The following SEC23B variants were observed in gnomAD, a reference collection of about 807,000 sequenced individuals.
SEC23B encodes the protein SEC23 homolog B, COPII component, also known as protein transport protein Sec23B.
SEC23B carries 77 observed loss-of-function variants against 104.3 expected under a neutral mutation model. The ratio of observed to expected loss-of-function variants is 0.74; its 90% CI spans 0.61 to 0.89. The LOEUF is 0.89. Ranked by LOEUF, SEC23B falls within the 40% of genes least tolerant of loss-of-function variation. SEC23B has a pLI of 0.00. For synonymous variants in SEC23B, 338 were observed against 332.5 expected (o/e 1.02, Z -0.18); for missense variants, 885 against 949.4 (o/e 0.93, Z 0.89).
Position 18,512,253 on chromosome 20 carries a change from G to A in SEC23B, c.250G>A (p.Ala84Thr). 1 of 1,593,004 alleles carries A rather than the reference G, an allele frequency of 6.3e-7. No homozygotes were observed. The highest frequency in any genetic ancestry group is 8.6e-7 in the Non-Finnish European group (1 of 1,163,768). The stretch of plus-strand genomic sequence containing the variant: ...GGTTGATTATCGAGCAAAACTTTGG[G>A]CCTGTAATTTCTGTTTTCAAAGAAA... Reference protein sequence around the residue: ...CQVDYRAKLWACNFCFQRNQF... With the variant: ...CQVDYRAKLWTCNFCFQRNQF... Residue 84 changes from alanine (A) to threonine (T), a missense_variant, in exon 3 of 20, where the codon GCC becomes ACC. Physicochemically the swap from Ala to Thr is moderately conservative, Grantham distance 58. Coordinates refer to ENST00000650089, the MANE Select transcript of SEC23B (RefSeq NM_006363.6).
At chr20:18,537,505 A>G (rs1423625995) in intron 12 of SEC23B, among the ~76,000 whole-genome samples, 1 of 151,940 alleles carries the variant, frequency 6.6e-6, no homozygotes, top group East Asian at 1.9e-4. Context: ...AAAACACCGC[A>G]TGTTCTCACT....
intron 19 of SEC23B, among the ~76,000 whole-genome samples, chr20:18,557,717 T>C (rs1417614397): frequency 1.3e-5 from 2 of 151,530 alleles, no homozygotes; most frequent in Non-Finnish European, 2.9e-5. Context: ...AGAGATCTTT[T>C]AGCCATTCTT....
chr20:18,519,959 C>T (rs371341677), intron 4 of SEC23B, among the ~76,000 whole-genome samples: 4 of 152,072 alleles, frequency 2.6e-5, no homozygotes, highest in East Asian at 1.9e-4. Context: ...GGGGGCTGTC[C>T]GCGAAGCCTT....
rs7263397 is a variant in SEC23B, at chr20:18,527,467, T to G, written c.994-29T>G. 4.0e-6 allele frequency: 5 copies of G among 1,264,898 alleles called. No homozygotes were observed. The East Asian group carries it at 1.2e-4, about 29-fold the overall frequency. The allele number at this position is 1,264,898 out of a possible 1,614,324, so 78.4% of individuals were successfully genotyped here. On this transcript the variant is annotated intron_variant, in intron 8 of 19. Transcript: ENST00000650089. ...ATACCTTGGGAATAATGTCACTGTT[T>G]CCTAAAGATAGCTTTCCTCTCTTCA...
At chr20:18,515,203 G>T (rs944467498) in intron 3 of SEC23B, among the ~76,000 whole-genome samples, 2 of 152,186 alleles carry the variant, frequency 1.3e-5, no homozygotes, top group Admixed American at 1.3e-4. Flanking sequence ...TAAGAGGACA[G>T]AAATGATATA....
intron 15 of SEC23B, among the ~76,000 whole-genome samples, chr20:18,546,446 C>T (rs1600269892): frequency 1.3e-5 from 2 of 152,160 alleles, no homozygotes; most frequent in Non-Finnish European, 2.9e-5. Flanking sequence ...TTATTATGTG[C>T]ATCATAACCA....
At chr20:18,532,607 G>T in intron 10 of SEC23B, 57 bp from the exon 11 acceptor site, 1 of 1,218,288 alleles carries the variant, frequency 8.2e-7, no homozygotes, top group South Asian at 1.2e-5. Flanking sequence ...TGGCCATGAT[G>T]ACAGCAGGGT....
intron 9 of SEC23B, among the ~76,000 whole-genome samples, chr20:18,527,880 C>G (rs1034149881): frequency 1.3e-5 from 2 of 152,150 alleles, no homozygotes; most frequent in Non-Finnish European, 2.9e-5. Flanking sequence ...AGAGACCAGG[C>G]CAAGAAAGCA....
At chr20:18,560,540 T>C in intron 19 of SEC23B, 111 bp from the exon 20 acceptor site, 5 of 817,856 alleles carry the variant, frequency 6.1e-6, no homozygotes, top group Non-Finnish European at 8.5e-6. Flanking sequence ...GGAGTACTCG[T>C]AGCAGAGGGG....
At chr20:18,545,270 T>C (rs1000925254) in intron 14 of SEC23B, among the ~76,000 whole-genome samples, 5 of 152,118 alleles carry the variant, frequency 3.3e-5, no homozygotes, top group African/African-American at 1.2e-4. Flanking sequence ...GACAAAACCA[T>C]TGAAGAAGGC....
chr20:18,510,878 G>C lies in SEC23B; in HGVS notation c.43G>C (p.Asp15His), dbSNP rs1287816373. ...LEFIQQNEER[D>H]GVRFSWNVWP... is the part of the protein sequence containing the mutation. ...GTTCATCCAGCAGAATGAAGAACGG[G>C]ATGGTGTGCGTTTTAGTTGGAACGT... Residue 15 changes from aspartate to histidine, a missense_variant, in exon 2 of 20, where the codon GAT (aspartate) becomes CAT (histidine). Physicochemically the swap from Asp to His is moderately conservative, Grantham distance 81. Coordinates refer to ENST00000650089, the MANE Select transcript of SEC23B (RefSeq NM_006363.6). The C allele has an allele frequency of 6.2e-7, 1 of 1,614,088 alleles. No homozygotes were observed. Among genetic ancestry groups the C allele is most frequent in the African/African-American group, 1.3e-5 (1 of 74,924 alleles).
rs1443733304 is a variant in SEC23B, at chr20:18,555,112, G to C, written c.2153G>C (p.Arg718Pro). 6.2e-7 allele frequency: 1 copy of C among 1,612,996 alleles called. No individual in the cohort carries two copies. Among genetic ancestry groups the C allele is most frequent in the African/African-American group, 1.3e-5 (1 of 74,786 alleles). ...TTGTTGTTGTTGTTGTTAAAGGCTC[G>C]ATTCCTTTTGTCCAAAGTGAACCCA... ...INTEHGGSQA[R>P]FLLSKVNPSQ... The change falls in exon 19 of 20, where the codon CGA becomes CCA. Residue 718 changes from arginine to proline, a missense_variant. Transcript: ENST00000650089.
chr20:18,531,542 G>A (rs1458923581), intron 10 of SEC23B, among the ~76,000 whole-genome samples: 1 of 151,156 alleles, frequency 6.6e-6, no homozygotes, highest in African/African-American at 2.4e-5. Flanking sequence ...TGTAGCCCCA[G>A]CTACTTGGGA....
chr20:18,555,137 A>G lies in SEC23B; in HGVS notation c.2178A>G (p.Pro726=). The change falls in exon 19 of 20, where the codon CCA becomes CCG. Residue 726 remains proline (P), a synonymous_variant. Transcript: ENST00000650089. Reference sequence around the variant, plus strand: ...GATTCCTTTTGTCCAAAGTGAACCCATCTCAGACACACAATAACCTGTATG... The same window carrying G: ...GATTCCTTTTGTCCAAAGTGAACCCGTCTCAGACACACAATAACCTGTATG... The part of the protein sequence containing the change: ...QARFLLSKVN[P]SQTHNNLYAW... 1 of 1,613,998 alleles carries G rather than the reference A, an allele frequency of 6.2e-7. No individual in the cohort carries two copies. Among genetic ancestry groups the G allele is most frequent in the Non-Finnish European group, 8.5e-7 (1 of 1,179,916 alleles).
chr20:18,546,498 C>G (rs1176352407), intron 15 of SEC23B, among the ~76,000 whole-genome samples: 3 of 152,182 alleles, frequency 2.0e-5, no homozygotes, highest in African/African-American at 7.2e-5. Flanking sequence ...CTGCACTCTG[C>G]ATGAACCAAG....
At chr20:18,509,399 C>A (rs184688584) in intron 1 of SEC23B, among the ~76,000 whole-genome samples, 7 of 152,292 alleles carry the variant, frequency 4.6e-5, no homozygotes, top group South Asian at 2.1e-4. Context: ...GCGCGAGAGG[C>A]CACTTTAATT....
chr20:18,522,784 G>A (rs1263180005), intron 4 of SEC23B, among the ~76,000 whole-genome samples: 1 of 152,156 alleles, frequency 6.6e-6, no homozygotes, highest in African/African-American at 2.4e-5. Context: ...TCGGCCGGGC[G>A]TGGTGGCTCA....
In SEC23B at chr20:18,530,794, G is replaced by A; in HGVS notation, c.1224G>A (p.Leu408=). The change falls in exon 10 of 20, where the codon TTG becomes TTA. Residue 408 remains leucine (L), a synonymous_variant. Transcript: ENST00000650089. The part of the protein sequence containing the change: ...GDFRMAFGAT[L]DVKTSRELKI... ...TCCGAATGGCATTTGGTGCTACTTT[G>A]GACGTAAAGGTACGGTAAACTTTTT... 1 of 1,610,714 alleles carries A rather than the reference G, an allele frequency of 6.2e-7. No homozygotes were observed. The highest frequency in any genetic ancestry group is 8.5e-7 in the Non-Finnish European group (1 of 1,178,290).
intron 14 of SEC23B, among the ~76,000 whole-genome samples, chr20:18,544,178 C>T (rs957037555): frequency 6.6e-6 from 1 of 152,220 alleles, no homozygotes; most frequent in Non-Finnish European, 1.5e-5. Context: ...ACATGATAAT[C>T]TTACCTTCCT....
Sources: gnomAD v4.1 joint callset for allele counts (sites outside exome capture counted in the v4.1 genomes callset) on GRCh38, gnomAD v4.1.1 for gene constraint, MANE v1.5 for transcripts, NCBI Gene and HGNC (gene_info 2026-07-23, HGNC 2026-07-21) for gene names.